The following TIAM2 variants were observed in gnomAD, a reference collection of about 807,000 sequenced individuals.
TIAM2 encodes the protein TIAM Rac1 associated GEF 2, also known as rho guanine nucleotide exchange factor TIAM2.
TIAM2 carries 80 observed loss-of-function variants against 152.9 expected under a neutral mutation model. The ratio of observed to expected loss-of-function variants is 0.52; its 90% CI spans 0.44 to 0.63. TIAM2 has a LOEUF of 0.63. Ranked by LOEUF, TIAM2 falls within the 30% of genes least tolerant of loss-of-function variation. The pLI, the probability that TIAM2 is intolerant of heterozygous loss-of-function variation, is 0.00. For missense variants in TIAM2, 1,965 were observed against 2,120.1 expected, an observed-to-expected ratio of 0.93 and a Z score of 1.44; for synonymous variants, 804 against 838.0, an observed-to-expected ratio of 0.96 and a Z score of 0.70.
At chr6:155,030,421 T>G (rs565547490) in intron 1 of TIAM2, among the ~76,000 whole-genome samples, 5 of 152,060 alleles carry the variant, frequency 3.3e-5, no homozygotes, top group Non-Finnish European at 5.9e-5. Context: ...GTTACTATGA[T>G]CTCCCGAAGA....
chr6:155,186,163 ACT>A lies in TIAM2; in HGVS notation c.3064+2666_3064+2667del, dbSNP rs934963583. Among the ~76,000 whole-genome samples, 2 of 152,244 alleles carry A rather than the reference ACT, an allele frequency of 1.3e-5. No individual in the cohort carries two copies. Among genetic ancestry groups the A allele is most frequent in the African/African-American group, 4.8e-5 (2 of 41,536 alleles). On this transcript the variant is annotated intron_variant, in intron 14 of 26. Coordinates refer to ENST00000682666, the MANE Select transcript of TIAM2 (RefSeq NM_012454.4). This position sits in a 1 kb window ranked among gnomAD's most constrained non-coding sequence, Gnocchi z 4.5. ...ACAAGAGAAGCCTGTGTTTGTGGAAACTCTGAGAGATGGCAGGGTGACAAGCA... is the reference window on the plus strand; with the variant it reads ...ACAAGAGAAGCCTGTGTTTGTGGAAACTGAGAGATGGCAGGGTGACAAGCA...
Position 155,144,643 on chromosome 6 carries a change from T to A in TIAM2, c.1668T>A (p.Asn556Lys), listed in dbSNP as rs150082754. 3,193 of 1,567,942 alleles carry A rather than the reference T, an allele frequency of 2.0e-3. 9 individuals carry two copies. The highest frequency in any genetic ancestry group is 2.4e-3 in the Admixed American group (119 of 49,520). ...TGTTTTATGAGACCTATGGGAAGAA[T>A]TCCATGGATCAGAGCAGTGCCCCTC... ...TLLFYETYGK[N>K]SMDQSSAPRC... Residue 556 changes from asparagine (N) to lysine (K), a missense_variant, in exon 6 of 27, where the codon AAT (asparagine) becomes AAA (lysine). Coordinates refer to ENST00000682666, the MANE Select transcript of TIAM2 (RefSeq NM_012454.4).
intron 2 of TIAM2, among the ~76,000 whole-genome samples, chr6:155,102,767 TTGTGTGTGTGTGTG>T (rs56117781): frequency 0.039 from 5,687 of 145,704 alleles, 188 homozygotes; most frequent in African/African-American, 0.09. Flanking sequence ...GATTAATTTA[TTGTGTGTGTGTGTG>T]TGTGTGTGTG....
At chr6:155,202,386 A>G (rs1781492067) in intron 14 of TIAM2, among the ~76,000 whole-genome samples, 1 of 152,202 alleles carries the variant, frequency 6.6e-6, no homozygotes, top group South Asian at 2.1e-4. Context: ...AAAAATATGC[A>G]TTGCTATACA....
chr6:155,048,801 GT>G (rs200879168), intron 1 of TIAM2, among the ~76,000 whole-genome samples: 42 of 144,238 alleles, frequency 2.9e-4, no homozygotes, highest in South Asian at 8.8e-4. Flanking sequence ...TCCACTCTTT[GT>G]TTTTTTTTTT....
At chr6:155,059,084 GC>G (rs1331412328) in intron 1 of TIAM2, among the ~76,000 whole-genome samples, 1 of 152,116 alleles carries the variant, frequency 6.6e-6, no homozygotes, top group East Asian at 1.9e-4. Context: ...TATTAACTAA[GC>G]CCCATACTAT....
At position 155,214,317 on chromosome 6, in the gene TIAM2, T is replaced by A. The variant is rs550249904; in HGVS notation, c.3168+3010T>A. Among the ~76,000 whole-genome samples, 2 of 152,292 alleles carry A rather than the reference T, an allele frequency of 1.3e-5. No individual in the cohort carries two copies. The highest frequency in any genetic ancestry group is 1.9e-4 in the East Asian group (1 of 5,178). ...CACCAGGAGCCAGGCACATGGCACA[T>A]CCTTTGGAGGAACCATGTGGCATAC... On this transcript the variant is annotated intron_variant, in intron 15 of 26. Transcript: ENST00000682666. The surrounding 1 kb of genome is among the most constrained non-coding windows in gnomAD (Gnocchi z 5.4).
At chr6:155,200,625 C>A (rs1160726472) in intron 14 of TIAM2, among the ~76,000 whole-genome samples, 1 of 152,192 alleles carries the variant, frequency 6.6e-6, no homozygotes, top group Non-Finnish European at 1.5e-5. Context: ...CTCTTCAAGG[C>A]CAGGGTCAGT....
intron 15 of TIAM2, among the ~76,000 whole-genome samples, chr6:155,231,085 G>A (rs12111253): frequency 0.15 from 23,084 of 151,548 alleles, 3,116 homozygotes; most frequent in African/African-American, 0.35. Flanking sequence ...CAAGTGATCC[G>A]CCCACCTTGG....
intron 1 of TIAM2, among the ~76,000 whole-genome samples, chr6:155,034,145 G>A (rs1246105835): frequency 6.6e-6 from 1 of 151,940 alleles, no homozygotes; most frequent in African/African-American, 2.4e-5. Context: ...CTCTTCAGTG[G>A]ATAATTTTTG....
chr6:155,248,859 T>A (rs997543976), intron 20 of TIAM2, among the ~76,000 whole-genome samples: 10 of 152,178 alleles, frequency 6.6e-5, no homozygotes, highest in African/African-American at 2.4e-4. Flanking sequence ...GGTGATAAAA[T>A]TTATGGGGAG....
chr6:155,046,497 G>C (rs902506383), intron 1 of TIAM2, among the ~76,000 whole-genome samples: 1 of 151,832 alleles, frequency 6.6e-6, no homozygotes, highest in African/African-American at 2.4e-5. Context: ...CACCACGCTG[G>C]GCTGATTTTT....
At chr6:155,044,177 T>G (rs757223992) in intron 1 of TIAM2, among the ~76,000 whole-genome samples, 3 of 152,146 alleles carry the variant, frequency 2.0e-5, no homozygotes, top group Non-Finnish European at 4.4e-5. Context: ...CAGTGAAAGT[T>G]TCACTGTTTT....
chr6:155,073,103 G>A (rs904192082), intron 1 of TIAM2, among the ~76,000 whole-genome samples: 1 of 149,140 alleles, frequency 6.7e-6, no homozygotes, highest in South Asian at 2.1e-4. Flanking sequence ...ACTTTATAAA[G>A]AATTATCCAT....
chr6:155,078,275 G>A (rs1777997149), intron 1 of TIAM2, among the ~76,000 whole-genome samples: 3 of 152,038 alleles, frequency 2.0e-5, no homozygotes, highest in Admixed American at 6.6e-5. Flanking sequence ...TGAACTCCTG[G>A]ACTCAAGTGA....
At position 155,053,111 on chromosome 6, in the gene TIAM2, A is replaced by G. The variant is rs928224280; in HGVS notation, c.-208-37178A>G. On this transcript the variant is annotated intron_variant, in intron 1 of 26. Coordinates refer to ENST00000682666, the MANE Select transcript of TIAM2 (RefSeq NM_012454.4). ...TATAATAGGATAAAAATGGACCATT[A>G]TGACTTTGAGCATCCAAAGTACTGA... is the stretch of plus-strand genomic sequence containing the variant. Among the ~76,000 whole-genome samples, 11 of 152,250 alleles carry G rather than the reference A, an allele frequency of 7.2e-5. No homozygotes were observed. In the East Asian group the frequency reaches 1.5e-3, roughly 21 times the overall value.
At chr6:155,193,767 T>A (rs1019537266) in intron 14 of TIAM2, among the ~76,000 whole-genome samples, 7 of 152,212 alleles carry the variant, frequency 4.6e-5, no homozygotes, top group African/African-American at 1.7e-4. Context: ...ATTGAGGACA[T>A]TCTTAAGTGA....
chr6:155,098,684 T>C, intron 2 of TIAM2, among the ~76,000 whole-genome samples: 1 of 152,234 alleles, frequency 6.6e-6, no homozygotes, highest in Admixed American at 6.5e-5. Flanking sequence ...GCTTTTTATT[T>C]CTTTCTCTCG....
At chr6:155,251,103 C>A in intron 22 of TIAM2, 82 bp downstream of exon 22, 1 of 1,198,052 alleles carries the variant, frequency 8.3e-7, no homozygotes, top group Non-Finnish European at 1.2e-6. Flanking sequence ...CAGTCCAGCT[C>A]ACTCCTGAGC....
Sources: allele counts gnomAD v4.1 joint callset (sites outside exome capture counted in the v4.1 genomes callset), GRCh38; gene constraint gnomAD v4.1.1; non-coding constraint Gnocchi (gnomAD v3.1); transcripts MANE v1.5; gene names NCBI Gene and HGNC (gene_info 2026-07-23, HGNC 2026-07-21).